STX8: variants seen among roughly 807,000 people sequenced by gnomAD.
STX8 encodes syntaxin 8.
In STX8, 23 loss-of-function variants were observed where a neutral mutation model predicts 37.5. The observed-to-expected ratio is 0.61, with a 90% CI of 0.44 to 0.87. The LOEUF is 0.87. STX8 is among the 40% of genes least tolerant of loss of function. The pLI is 0.00. For missense variants in STX8, 313 were observed against 284.7 expected (o/e 1.10, Z -0.71); for synonymous variants, 115 against 99.1 (o/e 1.16, Z -0.95).
chr17:9,535,921 G>C (rs142174201), intron 4 of STX8, among the ~76,000 whole-genome samples: 21 of 152,072 alleles, frequency 1.4e-4, no homozygotes, highest in African/African-American at 4.8e-4. Context: ...AAAACCTTAC[G>C]TCACGATTGG....
chr17:9,303,046 C>G (rs1908841643), intron 7 of STX8, among the ~76,000 whole-genome samples: 1 of 149,844 alleles, frequency 6.7e-6, no homozygotes, highest in Admixed American at 6.6e-5. Context: ...GTAATCCCAG[C>G]ACTTTGGGAG....
chr17:9,260,250 G>C (rs775918399), intron 7 of STX8, among the ~76,000 whole-genome samples: 6 of 152,116 alleles, frequency 3.9e-5, no homozygotes, highest in Non-Finnish European at 8.8e-5. Context: ...TGGAGCCCAG[G>C]AGTTCGAGGC....
chr17:9,432,366 C>T (rs773347272), intron 6 of STX8, among the ~76,000 whole-genome samples: 1 of 152,122 alleles, frequency 6.6e-6, no homozygotes, highest in African/African-American at 2.4e-5. Flanking sequence ...TTGAAAGTAA[C>T]CTCCCATTCC....
chr17:9,528,333 C>T (rs1335825304), intron 4 of STX8, among the ~76,000 whole-genome samples: 1 of 152,152 alleles, frequency 6.6e-6, no homozygotes, highest in South Asian at 2.1e-4. Flanking sequence ...GACTCTCGCT[C>T]TGTCGCCAGG....
intron 4 of STX8, among the ~76,000 whole-genome samples, chr17:9,523,165 A>G (rs530061430): frequency 6.6e-6 from 1 of 151,958 alleles, no homozygotes; most frequent in African/African-American, 2.4e-5. Flanking sequence ...ACAAAAAATT[A>G]GCCAGGCATG....
chr17:9,531,821 GTT>G (rs5819234), intron 4 of STX8, among the ~76,000 whole-genome samples: 14 of 147,550 alleles, frequency 9.5e-5, no homozygotes, highest in South Asian at 6.4e-4. Flanking sequence ...CAGATTTCAT[GTT>G]TTTTTTTTTA....
chr17:9,348,924 G>T (rs1287686622), intron 7 of STX8, among the ~76,000 whole-genome samples: 4 of 152,088 alleles, frequency 2.6e-5, no homozygotes, highest in Non-Finnish European at 4.4e-5. Context: ...ACCCCCAAGG[G>T]ATGCCTGAAA....
intron 6 of STX8, among the ~76,000 whole-genome samples, chr17:9,418,654 C>T (rs144815154): frequency 0.061 from 9,258 of 151,334 alleles, 360 homozygotes; most frequent in Middle Eastern, 0.088. Flanking sequence ...CGTGAAACCC[C>T]GTCTCTACTA....
intron 4 of STX8, among the ~76,000 whole-genome samples, chr17:9,505,895 T>C (rs945414902): frequency 3.6e-5 from 5 of 139,646 alleles, no homozygotes; most frequent in Non-Finnish European, 6.0e-5. Context: ...TGAGCCAAGA[T>C]GGCGCCACTG....
At chr17:9,353,895 T>G (rs1910793885) in intron 7 of STX8, among the ~76,000 whole-genome samples, 1 of 152,156 alleles carries the variant, frequency 6.6e-6, no homozygotes, top group Non-Finnish European at 1.5e-5. Flanking sequence ...ATCAAAATGA[T>G]TAATGTATAA....
At chr17:9,363,857 G>A (rs1334001821) in intron 7 of STX8, among the ~76,000 whole-genome samples, 6 of 151,618 alleles carry the variant, frequency 4.0e-5, no homozygotes, top group East Asian at 3.9e-4. Context: ...AGGTGGTCAC[G>A]GTGATAGCTC....
At chr17:9,260,332 A>G (rs986800372) in intron 7 of STX8, among the ~76,000 whole-genome samples, 1 of 149,174 alleles carries the variant, frequency 6.7e-6, no homozygotes, top group Non-Finnish European at 1.5e-5. Context: ...CTTAAAAGAA[A>G]AGTCAAGAAG....
rs1288089664 is a variant in STX8 at position 9,429,981 on chromosome 17, A to ATT, written c.542-51329_542-51328insAA. On this transcript the variant is annotated intron_variant, in intron 6 of 7. Transcript: ENST00000306357. ...AATATATATATTATATATTATATAG[A>ATT]ATATATTATATATAATATATATATT... Among the ~76,000 whole-genome samples, 2 of 8,866 alleles carry ATT rather than the reference A, an allele frequency of 2.3e-4. 1 individual carries two copies. Among genetic ancestry groups the ATT allele is most frequent in the Non-Finnish European group, 3.1e-4 (2 of 6,450 alleles). 5.8% of individuals were successfully genotyped at this position (8,866 alleles called of 152,430 possible).
chr17:9,428,672 G>A (rs932623663), intron 6 of STX8, among the ~76,000 whole-genome samples: 1 of 152,132 alleles, frequency 6.6e-6, no homozygotes, highest in Non-Finnish European at 1.5e-5. Context: ...AAGGAACAAT[G>A]GCATATTTTA....
rs971031669 is a variant in STX8, at chr17:9,392,379, G to A, written c.542-13726C>T. Reference sequence around the variant, plus strand: ...GCCAGGCATTTTTGGGAGCTGAATCGTGATGATTGTTTGAGCCCAGGAGTT... The same window carrying A: ...GCCAGGCATTTTTGGGAGCTGAATCATGATGATTGTTTGAGCCCAGGAGTT... On this transcript the variant is annotated intron_variant, in intron 6 of 7. Coordinates refer to ENST00000306357, the MANE Select transcript of STX8 (RefSeq NM_004853.3). Among the ~76,000 whole-genome samples, 17 of 152,280 alleles carry A rather than the reference G, an allele frequency of 1.1e-4. 1 individual carries two copies. Among genetic ancestry groups the A allele is most frequent in the Middle Eastern group, 3.4e-3 (1 of 294 alleles).
chr17:9,286,296 A>G (rs1055392071), intron 7 of STX8, among the ~76,000 whole-genome samples: 2 of 152,352 alleles, frequency 1.3e-5, no homozygotes. Flanking sequence ...GTTTCGGCCC[A>G]CACACATACG....
chr17:9,506,720 T>A (rs1904852107), intron 4 of STX8, among the ~76,000 whole-genome samples: 1 of 152,014 alleles, frequency 6.6e-6, no homozygotes, highest in Non-Finnish European at 1.5e-5. Context: ...CCCCAGTCCT[T>A]GCAAGTTCTG....
In STX8 at chr17:9,289,513, A is replaced by AT. The variant is rs58687825; in HGVS notation, c.644-38869dup. Among the ~76,000 whole-genome samples the AT allele has an allele frequency of 8.5e-3, 1,259 of 147,266 alleles. 17 individuals are homozygous for AT. The highest frequency in any genetic ancestry group is 0.027 in the African/African-American group (1,100 of 40,194). On this transcript the variant is annotated intron_variant, in intron 7 of 7. Coordinates refer to ENST00000306357, the MANE Select transcript of STX8 (RefSeq NM_004853.3). ...GATGTGCATCTGACGATACCCACAA[A>AT]TTTTTTTTTTTTTTAGTTTGGTAGT...
intron 7 of STX8, among the ~76,000 whole-genome samples, chr17:9,329,857 G>A (rs753573804): frequency 4.6e-5 from 7 of 152,156 alleles, no homozygotes; most frequent in Non-Finnish European, 1.0e-4. Flanking sequence ...TGGGAGGGAA[G>A]AGGTTGGATC....
Sources: allele counts gnomAD v4.1 joint callset (sites outside exome capture counted in the v4.1 genomes callset), GRCh38; gene constraint gnomAD v4.1.1; transcripts MANE v1.5; gene names NCBI Gene and HGNC (gene_info 2026-07-23, HGNC 2026-07-21).